The following PSMB1 variants were observed in gnomAD, a reference collection of about 807,000 sequenced individuals.
The protein encoded by PSMB1 is proteasome 20S subunit beta 1, also known as proteasome subunit beta type-1.
In PSMB1, 7 loss-of-function variants were observed where a neutral mutation model predicts 25.4. The ratio of observed to expected loss-of-function variants is 0.28; its 90% CI spans 0.16 to 0.52. The LOEUF (loss-of-function observed/expected upper bound fraction) is 0.52, where lower values mean the gene tolerates loss of function less well. Among genes scored for constraint, PSMB1 ranks in the 20% least tolerant of loss-of-function variants. The probability of loss-of-function intolerance (pLI) is 0.97; values close to 1 mark genes in which losing one functional copy is unlikely to be tolerated. For missense variants in PSMB1, 284 were observed against 302.2 expected, an observed-to-expected ratio of 0.94 and a Z score of 0.45; for synonymous variants, 119 against 115.0, an observed-to-expected ratio of 1.03 and a Z score of -0.22.
chr6:170,543,627 T>C lies in PSMB1; in HGVS notation c.407A>G (p.Asn136Ser). The C allele has an allele frequency of 1.2e-6, 2 of 1,611,364 alleles. No individual in the cohort carries two copies. Among genetic ancestry groups the C allele is most frequent in the Non-Finnish European group, 1.7e-6 (2 of 1,178,002 alleles). Residue 136 changes from asparagine (N) to serine (S), a missense_variant, in exon 4 of 6, where the codon AAC (asparagine) becomes AGC (serine). Transcript: ENST00000262193. Reference protein sequence around the residue: ...SRRFFPYYVYNIIGGLDEEGK... With the variant: ...SRRFFPYYVYSIIGGLDEEGK... ...TTCTTCATCAAGTCCACCGATGATG[T>C]TGTAAACATAGTATGGAAAGAAGCG...
intron 4 of PSMB1, among the ~76,000 whole-genome samples, chr6:170,538,814 G>A (rs1439085690): frequency 6.6e-6 from 1 of 152,214 alleles, no homozygotes; most frequent in Non-Finnish European, 1.5e-5. Flanking sequence ...CAAGACATGA[G>A]ATCACAGCAG....
At chr6:170,546,239 A>G in intron 2 of PSMB1, 55 bp from the exon 3 acceptor site, 1 of 1,381,662 alleles carries the variant, frequency 7.2e-7, no homozygotes, top group Non-Finnish European at 1.0e-6. Context: ...AGCAAAACAT[A>G]TCTTCGGCAA....
intron 1 of PSMB1, among the ~76,000 whole-genome samples, chr6:170,551,058 C>T (rs779424936): frequency 2.0e-5 from 3 of 152,024 alleles, no homozygotes; most frequent in Admixed American, 6.5e-5. Flanking sequence ...GGCAGAAATG[C>T]GTGAACCCAG....
chr6:170,542,309 C>T (rs577325069), intron 4 of PSMB1, among the ~76,000 whole-genome samples: 2 of 152,214 alleles, frequency 1.3e-5, no homozygotes, highest in Admixed American at 1.3e-4. Context: ...AGTCAACAAC[C>T]GAGAGGCAGG....
chr6:170,536,003 G>A (rs1250018076), intron 5 of PSMB1, among the ~76,000 whole-genome samples: 1 of 152,182 alleles, frequency 6.6e-6, no homozygotes, highest in Non-Finnish European at 1.5e-5. Context: ...TAGGCAGAAA[G>A]GATGTTAGGA....
chr6:170,537,300 G>A lies in PSMB1; in HGVS notation c.474C>T (p.Tyr158=). 1.9e-6 allele frequency: 3 copies of A among 1,614,094 alleles called. No individual in the cohort carries two copies. Among genetic ancestry groups the A allele is most frequent in the Non-Finnish European group, 2.5e-6 (3 of 1,180,002 alleles). ...AVYSFDPVGS[Y]QRDSFKAGGS... is the part of the protein sequence containing the mutation. ...CTCCAGCCTTGAAGGAGTCTCTCTG[G>A]TAAGACCCTACTGGATCAAAGCTGT... Residue 158 remains tyrosine, a synonymous_variant, in exon 5 of 6, where the codon TAC becomes TAT. Coordinates refer to ENST00000262193, the MANE Select transcript of PSMB1 (RefSeq NM_002793.4).
intron 4 of PSMB1, 94 bp downstream of exon 4, chr6:170,543,507 G>T: frequency 1.7e-6 from 2 of 1,205,938 alleles, no homozygotes; most frequent in Non-Finnish European, 2.3e-6. Flanking sequence ...GTGTCAGATG[G>T]TATTTATGGT....
intron 4 of PSMB1, among the ~76,000 whole-genome samples, chr6:170,541,734 C>T (rs1778760883): frequency 6.6e-6 from 1 of 152,206 alleles, no homozygotes; most frequent in Non-Finnish European, 1.5e-5. Flanking sequence ...GTTCTAGAGA[C>T]ACCTGAGGTT....
intron 2 of PSMB1, among the ~76,000 whole-genome samples, chr6:170,548,169 T>C (rs58597770): frequency 1.3e-5 from 2 of 152,134 alleles, no homozygotes; most frequent in East Asian, 3.9e-4. Context: ...ATGTGGGCCA[T>C]CCCTAGGAGC....
intron 4 of PSMB1, among the ~76,000 whole-genome samples, chr6:170,543,264 T>TA (rs1479754825): frequency 6.6e-6 from 1 of 152,170 alleles, no homozygotes; most frequent in Non-Finnish European, 1.5e-5. Flanking sequence ...TATTTGTTAA[T>TA]AAAAAAATTT....
intron 4 of PSMB1, among the ~76,000 whole-genome samples, chr6:170,540,603 A>G (rs1778747578): frequency 6.6e-6 from 1 of 151,428 alleles, no homozygotes; most frequent in Non-Finnish European, 1.5e-5. Flanking sequence ...AAAAAAAAAA[A>G]AAAAAAAAAA....
intron 2 of PSMB1, among the ~76,000 whole-genome samples, chr6:170,548,702 G>A (rs1310025356): frequency 6.6e-6 from 1 of 152,130 alleles, no homozygotes; most frequent in Admixed American, 6.6e-5. Context: ...GGGTTCGCTT[G>A]CTCTTCTTTC....
chr6:170,536,178 T>G (rs1030381592), intron 5 of PSMB1: 2 of 328,074 alleles, frequency 6.1e-6, no homozygotes, highest in African/African-American at 4.3e-5. Flanking sequence ...TTTTGGAGAC[T>G]CGCAACACTT....
At chr6:170,539,862 G>A (rs1034180882) in intron 4 of PSMB1, among the ~76,000 whole-genome samples, 1 of 152,090 alleles carries the variant, frequency 6.6e-6, no homozygotes, top group Non-Finnish European at 1.5e-5. Context: ...GGTAAATGAT[G>A]CTATGTATTA....
chr6:170,548,773 G>A (rs557930746), intron 2 of PSMB1, among the ~76,000 whole-genome samples: 9 of 152,194 alleles, frequency 5.9e-5, no homozygotes, highest in Non-Finnish European at 1.3e-4. Context: ...AAAATGCTGG[G>A]GTGAACACAT....
chr6:170,549,102 G>T lies in PSMB1; in HGVS notation c.125C>A (p.Ala42Glu). The change falls in exon 2 of 6, where the codon GCA (alanine) becomes GAA (glutamate). Residue 42 changes from alanine (A) to glutamate (E), a missense_variant. Physicochemically the swap from Ala to Glu is moderately radical, Grantham distance 107. Coordinates refer to ENST00000262193, the MANE Select transcript of PSMB1 (RefSeq NM_002793.4). ...PYVFNGGTILAIAGEDFAIVA... is the reference protein window; with the variant it reads ...PYVFNGGTILEIAGEDFAIVA... ...AATTGCAAAATCTTCTCCAGCAATT[G>T]CCAGTATAGTACTGAGGAAAAAAGA... The T allele has an allele frequency of 6.2e-7, 1 of 1,611,254 alleles. No individual in the cohort carries two copies. The highest frequency in any genetic ancestry group is 8.5e-7 in the Non-Finnish European group (1 of 1,177,748).
At chr6:170,535,683 A>G (rs1220347780) in intron 5 of PSMB1, among the ~76,000 whole-genome samples, 2 of 152,164 alleles carry the variant, frequency 1.3e-5, no homozygotes, top group East Asian at 1.9e-4. Context: ...GAATTGCTAT[A>G]ACTAAGAAGA....
At chr6:170,548,394 T>TAAG in intron 2 of PSMB1, among the ~76,000 whole-genome samples, 1 of 152,346 alleles carries the variant, frequency 6.6e-6, no homozygotes, top group East Asian at 1.9e-4. Context: ...GCTTTTTGTT[T>TAAG]TTTTAAGTTT....
At chr6:170,548,442 C>T (rs572799359) in intron 2 of PSMB1, among the ~76,000 whole-genome samples, 1 of 151,646 alleles carries the variant, frequency 6.6e-6, no homozygotes, top group South Asian at 2.1e-4. Flanking sequence ...ACATAGCTAG[C>T]CTATTAAAAC....
Sources: allele counts gnomAD v4.1 joint callset (sites outside exome capture counted in the v4.1 genomes callset), GRCh38; gene constraint gnomAD v4.1.1; transcripts MANE v1.5; gene names NCBI Gene and HGNC (gene_info 2026-07-23, HGNC 2026-07-21).